The following MPPE1 variants were observed in gnomAD, a reference collection of about 807,000 sequenced individuals.
MPPE1 encodes metallo phosphoesterase.
In MPPE1, 28 loss-of-function variants were observed where a neutral mutation model predicts 43.8. The observed-to-expected ratio is 0.64, with a 90% CI of 0.47 to 0.88. MPPE1 has a LOEUF of 0.88. Among genes scored for constraint, MPPE1 ranks in the 40% least tolerant of loss-of-function variants. The pLI is 0.00. For synonymous variants in MPPE1, 159 were observed against 188.5 expected (o/e 0.84, Z 1.28); for missense variants, 428 against 492.2 (o/e 0.87, Z 1.23).
chr18:11,894,633 C>G (rs749580452), intron 3 of MPPE1, among the ~76,000 whole-genome samples: 16 of 152,072 alleles, frequency 1.1e-4, no homozygotes, highest in Non-Finnish European at 2.2e-4. Flanking sequence ...TCTTGTTGCC[C>G]AGGCTGGAGT....
At chr18:11,896,854 G>A in intron 3 of MPPE1, 130 bp downstream of exon 3, 1 of 833,736 alleles carries the variant, frequency 1.2e-6, no homozygotes, top group South Asian at 1.9e-5. Flanking sequence ...AAAGTCAAAT[G>A]TCCCTAAATG....
In MPPE1 at chr18:11,889,580, T is replaced by C. The variant is rs1021969182; in HGVS notation, c.391-90A>G. 7 of 950,488 alleles carry C rather than the reference T, an allele frequency of 7.4e-6. No homozygotes were observed. The African/African-American group carries it at 1.0e-4, about 14-fold the overall frequency. 58.9% of individuals were successfully genotyped at this position (950,488 alleles called of 1,614,324 possible). On this transcript the variant is annotated intron_variant, in intron 4 of 10. Transcript: ENST00000588072. ...GGATCCCTATTTTGTTTTGCTTTTTTTTGAGACGAGTCTGGCTCTGTCTCC... is the reference window on the plus strand; with the variant it reads ...GGATCCCTATTTTGTTTTGCTTTTTCTTGAGACGAGTCTGGCTCTGTCTCC...
intron 4 of MPPE1, chr18:11,891,481 T>TA (rs1162779875): frequency 6.6e-6 from 1 of 151,632 alleles, no homozygotes; most frequent in Admixed American, 6.6e-5. Context: ...CTGAAAAAAA[T>TA]AAAAAAATAT....
chr18:11,903,602 C>G (rs550568072), intron 2 of MPPE1, among the ~76,000 whole-genome samples: 2 of 152,166 alleles, frequency 1.3e-5, no homozygotes, highest in South Asian at 2.1e-4. Flanking sequence ...GTTAGGAGAT[C>G]GAGACCATCC....
chr18:11,893,244 T>G (rs2038202800), intron 4 of MPPE1: 2 of 506,474 alleles, frequency 3.9e-6, no homozygotes, highest in Non-Finnish European at 7.0e-6. Context: ...CATAGACAAA[T>G]GTTTACAATT....
intron 1 of MPPE1, among the ~76,000 whole-genome samples, chr18:11,906,766 A>G (rs1248254087): frequency 6.6e-6 from 1 of 151,688 alleles, no homozygotes; most frequent in Non-Finnish European, 1.5e-5. Context: ...AGGCAGGAGA[A>G]TCGCTTGAAT....
At chr18:11,884,760 T>C (rs2036931763) in intron 10 of MPPE1, 133 bp from the exon 11 acceptor site, 2 of 1,327,130 alleles carry the variant, frequency 1.5e-6, no homozygotes, top group Non-Finnish European at 2.0e-6. Context: ...CCTCCTCACC[T>C]GAGACCAAGG....
At chr18:11,896,468 G>A (rs1013491316) in intron 3 of MPPE1, among the ~76,000 whole-genome samples, 1 of 152,158 alleles carries the variant, frequency 6.6e-6, no homozygotes, top group Admixed American at 6.5e-5. Flanking sequence ...GCAGGTGTGA[G>A]TTGGAAAGAT....
chr18:11,888,673 T>C lies in MPPE1; in HGVS notation c.565A>G (p.Ile189Val), dbSNP rs2037617734. ...SSERLFSWKG[I>V]NFVMVNSVAL... is the part of the protein sequence containing the mutation. The stretch of plus-strand genomic sequence containing the variant: ...GAATTTACAAATAATACTCACTTAA[T>C]GCCTTTCCAAGAAAACAGTCTTTCA... The change falls in exon 6 of 11, where the codon ATT (isoleucine) becomes GTT (valine). Residue 189 changes from isoleucine to valine, a missense_variant. Ile to Val is a conservative substitution (Grantham distance 29). This residue lies in a region of MPPE1 where 379 missense variants were observed against 402.5 expected (regional missense o/e 0.94). Transcript: ENST00000588072. The C allele has an allele frequency of 1.9e-6, 3 of 1,592,172 alleles. No individual in the cohort carries two copies. Among genetic ancestry groups the C allele is most frequent in the Non-Finnish European group, 8.6e-7 (1 of 1,167,974 alleles).
At position 11,889,841 on chromosome 18, in the gene MPPE1, G is replaced by A. The variant is rs751925834; in HGVS notation, c.391-351C>T. On this transcript the variant is annotated intron_variant, in intron 4 of 10. Transcript: ENST00000588072. ...CCCGCCTCAGCCTCCCAAAGTGCTG[G>A]GATTACAGGTATGAGCCAACGCACC... Among the ~76,000 whole-genome samples the A allele has an allele frequency of 8.6e-5, 13 of 151,870 alleles. 1 individual carries two copies. Among genetic ancestry groups the A allele is most frequent in the Non-Finnish European group, 1.5e-4 (10 of 67,994 alleles).
rs1209590917 is a variant in MPPE1 at position 11,897,231 on chromosome 18, T to C, written c.34A>G (p.Asn12Asp). Residue 12 changes from asparagine (N) to aspartate (D), a missense_variant, in exon 3 of 11, where the codon AAT (asparagine) becomes GAT (aspartate). Asn to Asp is a conservative substitution (Grantham distance 23, BLOSUM62 1). This residue lies in a region of MPPE1 where 48 missense variants were observed against 73.5 expected (regional missense o/e 0.65). Coordinates refer to ENST00000588072, the MANE Select transcript of MPPE1 (RefSeq NM_023075.6). ...AMIELGFGRQ[N>D]FHPLKRKSSL... is the part of the protein sequence containing the mutation. ...CTCTTCCTCTTTAATGGATGAAAAT[T>C]CTGTCTTCCAAACCCCAATTCGATC... 1 of 1,187,410 alleles carries C rather than the reference T, an allele frequency of 8.4e-7. No individual in the cohort carries two copies. The highest frequency in any genetic ancestry group is 1.2e-6 in the Non-Finnish European group (1 of 833,832). 73.6% of individuals were successfully genotyped at this position (1,187,410 alleles called of 1,614,324 possible).
chr18:11,896,841 G>A, intron 3 of MPPE1, 143 bp downstream of exon 3: 1 of 790,326 alleles, frequency 1.3e-6, no homozygotes. Flanking sequence ...GTAAATTCAA[G>A]GAAAAGTCAA....
chr18:11,899,996 G>A (rs2038973267), intron 2 of MPPE1, among the ~76,000 whole-genome samples: 1 of 152,104 alleles, frequency 6.6e-6, no homozygotes, highest in Non-Finnish European at 1.5e-5. Context: ...TGGATCACCT[G>A]ACATCAGGAG....
chr18:11,903,417 A>G (rs2039386018), intron 2 of MPPE1, among the ~76,000 whole-genome samples: 1 of 152,110 alleles, frequency 6.6e-6, no homozygotes, highest in Admixed American at 6.6e-5. Context: ...GGCACTGTGC[A>G]TGCAGGCAGC....
chr18:11,884,771 G>C (rs2036933470), intron 10 of MPPE1, 144 bp from the exon 11 acceptor site: 2 of 1,330,670 alleles, frequency 1.5e-6, no homozygotes, highest in Non-Finnish European at 2.0e-6. Context: ...GAGACCAAGG[G>C]GGCCCAGCCT....
intron 2 of MPPE1, among the ~76,000 whole-genome samples, chr18:11,904,018 T>C (rs2039452990): frequency 6.6e-6 from 1 of 152,220 alleles, no homozygotes; most frequent in Non-Finnish European, 1.5e-5. Context: ...GAATTGAGGT[T>C]GCTGCAGATC....
At chr18:11,901,570 G>A (rs559119768) in intron 2 of MPPE1, among the ~76,000 whole-genome samples, 9 of 151,406 alleles carry the variant, frequency 5.9e-5, no homozygotes, top group Admixed American at 2.0e-4. Flanking sequence ...GCCTGGCACA[G>A]TGGCTCACAG....
At position 11,882,908 on chromosome 18, in the gene MPPE1, C is replaced by T. The variant is rs906204264; in HGVS notation, c.*1537G>A. The T allele has an allele frequency of 6.6e-6, 1 of 152,054 alleles. No individual in the cohort carries two copies. The highest frequency in any genetic ancestry group is 6.5e-5 in the Admixed American group (1 of 15,268). The allele number at this position is 152,054 out of a possible 1,614,324, so 9.4% of individuals were successfully genotyped here. On this transcript the variant is annotated 3_prime_UTR_variant, in exon 11 of 11. Transcript: ENST00000588072. ...ATCTAGAAAGTAAGAACTGGTGTAGCAATGATGCTTCATATTCTAGCTGTA... is the reference window on the plus strand; with the variant it reads ...ATCTAGAAAGTAAGAACTGGTGTAGTAATGATGCTTCATATTCTAGCTGTA...
chr18:11,886,317 C>A lies in MPPE1; in HGVS notation c.867+182G>T. 5 of 763,896 alleles carry A rather than the reference C, an allele frequency of 6.5e-6. No homozygotes were observed. Among genetic ancestry groups the A allele is most frequent in the South Asian group, 3.3e-5 (2 of 60,888 alleles). The allele number at this position is 763,896 out of a possible 1,614,324, so 47.3% of individuals were successfully genotyped here. A position where few individuals can be genotyped will look rare whatever the true frequency, so the allele number is the denominator to read the frequency against. ...GTAGGTTTACTGGAAAAAAAAAAAG[C>A]GATTAAATGAAAATCTGAGATACTG... On this transcript the variant is annotated intron_variant, in intron 9 of 10. Coordinates refer to ENST00000588072, the MANE Select transcript of MPPE1 (RefSeq NM_023075.6). This position sits in a 1 kb window ranked among gnomAD's most constrained non-coding sequence, Gnocchi z 4.1.
Sources: gnomAD v4.1 joint callset for allele counts (sites outside exome capture counted in the v4.1 genomes callset) on GRCh38, gnomAD v4.1.1 for gene constraint, gnomAD v4.1.1 regional missense constraint, Gnocchi (gnomAD v3.1) non-coding constraint, MANE v1.5 for transcripts, NCBI Gene and HGNC (gene_info 2026-07-23, HGNC 2026-07-21) for gene names.